The following SAMD4A variants were observed in gnomAD, a reference collection of about 807,000 sequenced individuals.
SAMD4A encodes the protein sterile alpha motif domain containing 4A.
A neutral mutation model predicts 81.3 loss-of-function variants in SAMD4A; 33 were observed. The observed-to-expected ratio is 0.41, with a 90% confidence interval of 0.31 to 0.54. The LOEUF is 0.54. Among genes scored for constraint, SAMD4A ranks in the 20% least tolerant of loss-of-function variants. The pLI is 0.37. For synonymous variants in SAMD4A, 389 were observed against 382.1 expected, an observed-to-expected ratio of 1.02 and a Z score of -0.21; for missense variants, 854 against 951.1, an observed-to-expected ratio of 0.90 and a Z score of 1.34.
intron 2 of SAMD4A, among the ~76,000 whole-genome samples, chr14:54,568,509 G>A (rs1184402743): frequency 2.6e-5 from 4 of 151,446 alleles, no homozygotes; most frequent in Non-Finnish European, 5.9e-5. Flanking sequence ...CTGGATTTCA[G>A]CAACACATGA....
chr14:54,783,163 A>C (rs1363456228), intron 11 of SAMD4A, among the ~76,000 whole-genome samples: 3 of 151,990 alleles, frequency 2.0e-5, no homozygotes, highest in Non-Finnish European at 4.4e-5. Flanking sequence ...ACTTTAAAAA[A>C]AAAAAAAAAA....
intron 2 of SAMD4A, among the ~76,000 whole-genome samples, chr14:54,695,886 G>T (rs977876412): frequency 6.7e-6 from 1 of 150,338 alleles, no homozygotes; most frequent in East Asian, 2.0e-4. Context: ...CCAGGAGGCG[G>T]AGGTTACAGT....
At chr14:54,687,912 C>T in intron 2 of SAMD4A, 1 of 985,494 alleles carries the variant, frequency 1.0e-6, no homozygotes, top group Non-Finnish European at 1.2e-6. Context: ...GCTGCTGTCC[C>T]TTCTCAGGCA....
intron 4 of SAMD4A, among the ~76,000 whole-genome samples, chr14:54,742,935 T>G (rs1006588030): frequency 3.9e-5 from 6 of 152,220 alleles, no homozygotes; most frequent in African/African-American, 1.4e-4. Context: ...ACTTTTTCTC[T>G]CTGTAGTAAA....
chr14:54,681,398 A>ATT (rs1202078271), intron 2 of SAMD4A, among the ~76,000 whole-genome samples: 2 of 152,172 alleles, frequency 1.3e-5, no homozygotes, highest in Non-Finnish European at 2.9e-5. Flanking sequence ...TGTATTGATC[A>ATT]TTATGCTCAT....
intron 2 of SAMD4A, among the ~76,000 whole-genome samples, chr14:54,581,529 C>T (rs1446152793): frequency 1.3e-5 from 2 of 152,180 alleles, no homozygotes; most frequent in Non-Finnish European, 2.9e-5. Context: ...TCACTTTCAT[C>T]CTTTTCATTG....
chr14:54,679,106 T>C (rs1465089900), intron 2 of SAMD4A, among the ~76,000 whole-genome samples: 1 of 152,242 alleles, frequency 6.6e-6, no homozygotes, highest in Non-Finnish European at 1.5e-5. Context: ...AGTAGGACTT[T>C]GGGGAAACTC....
intron 2 of SAMD4A, among the ~76,000 whole-genome samples, chr14:54,587,945 A>C (rs977413754): frequency 1.3e-5 from 2 of 152,164 alleles, no homozygotes; most frequent in Admixed American, 1.3e-4. Context: ...CTTTTGGAAT[A>C]GTGTCAATAG....
chr14:54,580,045 G>A (rs2033419457), intron 2 of SAMD4A, among the ~76,000 whole-genome samples: 1 of 152,218 alleles, frequency 6.6e-6, no homozygotes, highest in Admixed American at 6.5e-5. Flanking sequence ...CTAGCAACAT[G>A]CAATTAAGGA....
chr14:54,759,791 C>A (rs2038342022), intron 6 of SAMD4A, among the ~76,000 whole-genome samples: 2 of 152,232 alleles, frequency 1.3e-5, no homozygotes, highest in Non-Finnish European at 2.9e-5. Context: ...ACAAAGCCAT[C>A]ATGTCACCCA....
chr14:54,645,075 T>C (rs1482863673), intron 2 of SAMD4A, among the ~76,000 whole-genome samples: 1 of 152,212 alleles, frequency 6.6e-6, no homozygotes, highest in Admixed American at 6.5e-5. Flanking sequence ...GGATTTATTA[T>C]TTTTAAGTTA....
intron 2 of SAMD4A, among the ~76,000 whole-genome samples, chr14:54,580,118 T>C (rs1218386899): frequency 1.3e-5 from 2 of 152,204 alleles, no homozygotes; most frequent in Non-Finnish European, 2.9e-5. Flanking sequence ...TGAGGTGTAC[T>C]GGGGTCCACT....
intron 2 of SAMD4A, among the ~76,000 whole-genome samples, chr14:54,681,152 T>C (rs1211873569): frequency 6.6e-6 from 1 of 151,504 alleles, no homozygotes. Flanking sequence ...GAACCAGGAG[T>C]AAGGCTGCAG....
chr14:54,606,210 T>TGTGTGTGTGTGTGTGTGC (rs1039478105), intron 2 of SAMD4A, among the ~76,000 whole-genome samples: 8 of 150,444 alleles, frequency 5.3e-5, no homozygotes, highest in African/African-American at 1.5e-4. Flanking sequence ...TGTGTGTGTG[T>TGTGTGTGTGTGTGTGTGC]GTGCGTGCAC....
chr14:54,678,900 T>A (rs1488126398), intron 2 of SAMD4A, among the ~76,000 whole-genome samples: 2 of 152,212 alleles, frequency 1.3e-5, no homozygotes, highest in African/African-American at 4.8e-5. Flanking sequence ...CCCAGCCTTT[T>A]ATGCTACCTT....
At chr14:54,599,420 C>G (rs984858786) in intron 2 of SAMD4A, among the ~76,000 whole-genome samples, 1 of 152,126 alleles carries the variant, frequency 6.6e-6, no homozygotes, top group Non-Finnish European at 1.5e-5. Flanking sequence ...TTTTTAAACT[C>G]TAGGTAGGAT....
At chr14:54,692,986 C>T (rs1251057468) in intron 2 of SAMD4A, 2 of 151,022 alleles carry the variant, frequency 1.3e-5, no homozygotes, top group Non-Finnish European at 2.9e-5. Flanking sequence ...ATATTTCATT[C>T]TGCTGTCTCA....
At chr14:54,617,485 G>C (rs2034517959) in intron 2 of SAMD4A, among the ~76,000 whole-genome samples, 1 of 151,266 alleles carries the variant, frequency 6.6e-6, no homozygotes, top group African/African-American at 2.4e-5. Context: ...TTTTTTCAGA[G>C]AAAAGTGGGG....
At chr14:54,764,078 G>T (rs553106402) in intron 7 of SAMD4A, among the ~76,000 whole-genome samples, 3 of 152,318 alleles carry the variant, frequency 2.0e-5, no homozygotes, top group South Asian at 2.1e-4. Flanking sequence ...AATCACGGAG[G>T]CTGCTCTCTG....
Sources: gnomAD v4.1 joint callset for allele counts (sites outside exome capture counted in the v4.1 genomes callset) on GRCh38, gnomAD v4.1.1 for gene constraint, MANE v1.5 for transcripts, NCBI Gene and HGNC (gene_info 2026-07-23, HGNC 2026-07-21) for gene names.